Variants in SLC9A3 observed in about 807,000 individuals in gnomAD.
The protein encoded by SLC9A3 is sodium/hydrogen exchanger 3.
A neutral mutation model predicts 86.8 loss-of-function variants in SLC9A3; 37 were observed. That is an observed-to-expected ratio of 0.43 (90% CI 0.33 to 0.56). The LOEUF is 0.56. SLC9A3 is among the 20% of genes least tolerant of loss of function. The probability of loss-of-function intolerance (pLI) is 0.06; values close to 1 mark genes in which losing one functional copy is unlikely to be tolerated. For synonymous variants in SLC9A3, 581 were observed against 528.3 expected (o/e 1.10, Z -1.37); for missense variants, 1,011 against 1,171.9 (o/e 0.86, Z 2.00).
chr5:524,051 A>C, intron 1 of SLC9A3, 61 bp downstream of exon 1: 1 of 1,189,512 alleles, frequency 8.4e-7, no homozygotes, highest in Non-Finnish European at 1.1e-6. Context: ...CGAAGCCCCC[A>C]GGCCCAGCAG....
At chr5:485,730 C>T (rs1359875427) in intron 3 of SLC9A3, among the ~76,000 whole-genome samples, 1 of 152,192 alleles carries the variant, frequency 6.6e-6, no homozygotes, top group Non-Finnish European at 1.5e-5. Context: ...GAGGGCCGTC[C>T]TGGGTGGGCC....
chr5:510,294 G>A (rs1740820047), intron 1 of SLC9A3, among the ~76,000 whole-genome samples: 1 of 152,196 alleles, frequency 6.6e-6, no homozygotes, highest in African/African-American at 2.4e-5. Flanking sequence ...GCTCTAAGGT[G>A]TTCGTGTGGG....
chr5:483,550 A>G, intron 5 of SLC9A3, 68 bp from the exon 6 acceptor site: 1 of 1,140,766 alleles, frequency 8.8e-7, no homozygotes, highest in Non-Finnish European at 1.3e-6. Context: ...GTGTCCGCCC[A>G]GCCCCCCACG....
intron 15 of SLC9A3, 22 bp downstream of exon 15, chr5:475,539 G>A (rs922580912): frequency 3.5e-6 from 5 of 1,444,060 alleles, no homozygotes; most frequent in Non-Finnish European, 3.8e-6. Flanking sequence ...CCTTAGCCAC[G>A]ACGCCTGTGC....
At chr5:481,684 A>T (rs1386427865) in intron 8 of SLC9A3, 49 bp from the exon 9 acceptor site, 3 of 1,483,416 alleles carry the variant, frequency 2.0e-6, no homozygotes, top group Non-Finnish European at 1.9e-6. Context: ...CAACCGGGGA[A>T]CATGAGGTGC....
Position 475,143 on chromosome 5 carries a change from G to A in SLC9A3, c.2252-11C>T, listed in dbSNP as rs751635785. 7 of 1,563,716 alleles carry A rather than the reference G, an allele frequency of 4.5e-6. No individual in the cohort carries two copies. In the South Asian group the frequency reaches 4.7e-5, roughly 10 times the overall value. ...CAGGGTTGTCAATTCCTAGGAGAGA[G>A]GGCAGCGGCTAGTCAGCCTTCGGAG... On this transcript the variant is annotated splice_polypyrimidine_tract_variant and intron_variant, in intron 15 of 16. Transcript: ENST00000264938.
chr5:502,442 C>T (rs577710943), intron 1 of SLC9A3, among the ~76,000 whole-genome samples: 15 of 152,256 alleles, frequency 9.9e-5, no homozygotes, highest in Admixed American at 2.0e-4. Flanking sequence ...CTTCAGCTAC[C>T]GCAGACCCAG....
intron 1 of SLC9A3, among the ~76,000 whole-genome samples, chr5:514,084 C>A (rs933360031): frequency 6.6e-6 from 1 of 152,272 alleles, no homozygotes; most frequent in Non-Finnish European, 1.5e-5. Context: ...AGCCCCGGCT[C>A]GGGAGGGCAC....
At chr5:517,132 C>T (rs1733754087) in intron 1 of SLC9A3, among the ~76,000 whole-genome samples, 1 of 151,870 alleles carries the variant, frequency 6.6e-6, no homozygotes, top group Non-Finnish European at 1.5e-5. Flanking sequence ...TCTACCCATC[C>T]TTCCGCCCAT....
chr5:508,810 G>T (rs1740739773), intron 1 of SLC9A3, among the ~76,000 whole-genome samples: 1 of 152,212 alleles, frequency 6.6e-6, no homozygotes, highest in East Asian at 1.9e-4. Context: ...GAAAGAGGAG[G>T]TTAAGAATTT....
chr5:490,726 G>A (rs549234955), intron 2 of SLC9A3, among the ~76,000 whole-genome samples: 25 of 152,354 alleles, frequency 1.6e-4, no homozygotes, highest in African/African-American at 5.8e-4. Context: ...TCCCTTGGGT[G>A]CGGTGGCTAG....
At chr5:482,851 C>G in intron 6 of SLC9A3, 101 bp from the exon 7 acceptor site, 1 of 893,998 alleles carries the variant, frequency 1.1e-6, no homozygotes, top group Non-Finnish European at 1.7e-6. Context: ...CATGTGCTGA[C>G]GAAGAACAGC....
At chr5:486,263 TG>T (rs1739457032) in intron 3 of SLC9A3, among the ~76,000 whole-genome samples, 1 of 148,116 alleles carries the variant, frequency 6.8e-6, no homozygotes, top group Admixed American at 6.7e-5. Context: ...GGGGGCAGTG[TG>T]GGGGCTGGGA....
rs1257207030 is a variant in SLC9A3, at chr5:470,768, CTG to C, written c.*2609_*2610del. 3 of 152,314 alleles carry C rather than the reference CTG, an allele frequency of 2.0e-5. No homozygotes were observed. Among genetic ancestry groups the C allele is most frequent in the East Asian group, 3.8e-4 (2 of 5,324 alleles). 9.4% of individuals were successfully genotyped at this position (152,314 alleles called of 1,614,324 possible). A position where few individuals can be genotyped will look rare whatever the true frequency, so the allele number is the denominator to read the frequency against. ...TCAATGGTACACAGTATATTGAACT[CTG>C]TAACAAAATTATTTTTGAGAAAATA... On this transcript the variant is annotated 3_prime_UTR_variant, in exon 17 of 17. Transcript: ENST00000264938.
At chr5:495,287 G>A (rs185691614) in intron 1 of SLC9A3, among the ~76,000 whole-genome samples, 4 of 151,244 alleles carry the variant, frequency 2.6e-5, no homozygotes, top group South Asian at 4.2e-4. Context: ...CCAGACAACC[G>A]CGGGCCAGCA....
At position 494,700 on chromosome 5, in the gene SLC9A3, C is replaced by T. The variant is rs543841021; in HGVS notation, c.212-2629G>A. 9.6e-4 allele frequency among the ~76,000 whole-genome samples: 146 copies of T among 152,342 alleles called. No individual in the cohort carries two copies. The Middle Eastern group carries it at 0.01, about 11-fold the overall frequency. On this transcript the variant is annotated intron_variant, in intron 1 of 16. Transcript: ENST00000264938. ...GGGTGGTCTGTGCCCGGTGCCGGCG[C>T]CTGCCCACCCGCAGGCTGACCCGCG... is the stretch of plus-strand genomic sequence containing the variant.
chr5:518,203 C>A (rs539208099), intron 1 of SLC9A3, among the ~76,000 whole-genome samples: 1 of 152,058 alleles, frequency 6.6e-6, no homozygotes, highest in African/African-American at 2.4e-5. Flanking sequence ...AGGAAGGCTC[C>A]GAGCTCAGGA....
Position 482,607 on chromosome 5 carries a change from C to T in SLC9A3, c.1297G>A (p.Glu433Lys). ...VVLLDGDKVK[E>K]KNLFVSTTII... ...GTGGTGCTGACGAACAGGTTCTTCT[C>T]CTTGACCTTGTCTCCATCCAGAAGC... The change falls in exon 7 of 17, where the codon GAG becomes AAG. Residue 433 changes from glutamate (E) to lysine (K), a missense_variant. Coordinates refer to ENST00000264938, the MANE Select transcript of SLC9A3 (RefSeq NM_004174.4). 2 of 1,612,916 alleles carry T rather than the reference C, an allele frequency of 1.2e-6. No individual in the cohort carries two copies. The highest frequency in any genetic ancestry group is 4.5e-5 in the East Asian group (2 of 44,860).
chr5:492,003 C>A lies in SLC9A3; in HGVS notation c.280G>T (p.Val94Leu). The A allele has an allele frequency of 6.3e-7, 1 of 1,596,622 alleles. No homozygotes were observed. Among genetic ancestry groups the A allele is most frequent in the Non-Finnish European group, 8.5e-7 (1 of 1,171,952 alleles). ...GCCGCCCAGACGATGCCGCCCAGCACCAGGCCCAGCACGATGAGCAGGGCG... is the reference window on the plus strand; with the variant it reads ...GCCGCCCAGACGATGCCGCCCAGCAACAGGCCCAGCACGATGAGCAGGGCG... ...ESALLIVLGL[V>L]LGGIVWAADH... is the part of the protein sequence containing the mutation. The change falls in exon 2 of 17, where the codon GTG becomes TTG. Residue 94 changes from valine (V) to leucine (L), a missense_variant. This residue lies in a region of SLC9A3 where 565 missense variants were observed against 790.0 expected (regional missense o/e 0.72). Coordinates refer to ENST00000264938, the MANE Select transcript of SLC9A3 (RefSeq NM_004174.4).
Sources: allele counts gnomAD v4.1 joint callset (sites outside exome capture counted in the v4.1 genomes callset), GRCh38; gene constraint gnomAD v4.1.1; regional missense constraint gnomAD v4.1.1; transcripts MANE v1.5; gene names NCBI Gene and HGNC (gene_info 2026-07-23, HGNC 2026-07-21).